GRID2: variants seen among roughly 807,000 people sequenced by gnomAD.
The protein encoded by GRID2 is glutamate ionotropic receptor delta type subunit 2.
GRID2 carries 33 observed loss-of-function variants against 114.8 expected under a neutral mutation model. The ratio of observed to expected loss-of-function variants is 0.29; its 90% confidence interval spans 0.22 to 0.38. GRID2 has a LOEUF of 0.38. Among genes scored for constraint, GRID2 ranks in the 10% least tolerant of loss-of-function variants. GRID2 has a pLI of 1.00. For synonymous variants in GRID2, 505 were observed against 449.9 expected (o/e 1.12, Z -1.55); for missense variants, 1,184 against 1,257.7 (o/e 0.94, Z 0.89).
At chr4:92,578,729 T>A (rs6855563) in intron 1 of GRID2, among the ~76,000 whole-genome samples, 3,416 of 147,532 alleles carry the variant, frequency 0.023, 64 homozygotes, top group African/African-American at 0.057. Context: ...TCTATCTATC[T>A]ATCAATCTAT....
rs570676025 is a variant in GRID2, at chr4:93,802,041, C to T, written c.222-4674C>T. On this transcript the variant is annotated intron_variant, in intron 1 of 1. Transcript: ENST00000637838. ...GAGACAGAGAATCCAGCATCCAGGC[C>T]TGGAGCTTTCTGTCTATTGTACAGT... 4.7e-4 allele frequency among the ~76,000 whole-genome samples: 72 copies of T among 152,304 alleles called. 1 individual carries two copies. Among genetic ancestry groups the T allele is most frequent in the African/African-American group, 1.5e-3 (62 of 41,574 alleles).
chr4:92,595,853 T>C (rs1018947695), intron 2 of GRID2, among the ~76,000 whole-genome samples: 3 of 152,120 alleles, frequency 2.0e-5, no homozygotes, highest in African/African-American at 4.8e-5. Flanking sequence ...ATATTTCTGG[T>C]CATTGATTAA....
intron 2 of GRID2, among the ~76,000 whole-genome samples, chr4:92,718,204 A>G (rs1735638070): frequency 6.6e-6 from 1 of 152,056 alleles, no homozygotes; most frequent in Non-Finnish European, 1.5e-5. Context: ...CCAAATCAGG[A>G]AAAAATTATA....
intron 7 of GRID2, among the ~76,000 whole-genome samples, chr4:93,237,500 T>A (rs1746935320): frequency 6.6e-6 from 1 of 151,840 alleles, no homozygotes; most frequent in Non-Finnish European, 1.5e-5. Context: ...ATCTTAGAGG[T>A]GATAATTAAA....
At chr4:93,646,203 T>C (rs1459547868) in intron 14 of GRID2, among the ~76,000 whole-genome samples, 5 of 152,174 alleles carry the variant, frequency 3.3e-5, no homozygotes, top group Non-Finnish European at 7.3e-5. Context: ...AATTTTATAT[T>C]GGAAAATTTG....
intron 7 of GRID2, among the ~76,000 whole-genome samples, chr4:93,228,062 G>A (rs1745704007): frequency 6.6e-6 from 1 of 152,066 alleles, no homozygotes. Flanking sequence ...CTACCTTTAT[G>A]CAGTTCCAAA....
intron 1 of GRID2, among the ~76,000 whole-genome samples, chr4:92,589,373 AC>A (rs1186362293): frequency 6.6e-6 from 1 of 152,228 alleles, no homozygotes; most frequent in African/African-American, 2.4e-5. Flanking sequence ...AAGGTCGTAT[AC>A]TTAACAAGTG....
intron 2 of GRID2, among the ~76,000 whole-genome samples, chr4:92,828,764 T>A (rs1261821549): frequency 1.3e-5 from 2 of 152,168 alleles, no homozygotes; most frequent in Admixed American, 6.6e-5. Context: ...TAGCTTTTTT[T>A]ATGCTCTGTT....
At chr4:92,548,997 G>C (rs1048295801) in intron 1 of GRID2, among the ~76,000 whole-genome samples, 7 of 151,802 alleles carry the variant, frequency 4.6e-5, no homozygotes, top group African/African-American at 1.7e-4. Flanking sequence ...TCTAACATTG[G>C]GGATTACAAT....
chr4:93,458,384 C>G (rs777279487), intron 11 of GRID2, among the ~76,000 whole-genome samples: 13 of 152,182 alleles, frequency 8.5e-5, no homozygotes, highest in Admixed American at 2.6e-4. Flanking sequence ...GTTCATTTCA[C>G]TCACATGTCT....
chr4:93,200,896 C>G (rs1208728782), intron 4 of GRID2, among the ~76,000 whole-genome samples: 2 of 152,142 alleles, frequency 1.3e-5, no homozygotes, highest in Non-Finnish European at 2.9e-5. Flanking sequence ...AATATCTTCT[C>G]CTAGAGATCA....
At position 93,769,588 on chromosome 4, in the gene GRID2, A is replaced by G. The variant is rs945428892; in HGVS notation, c.2601+138A>G. 3 of 733,708 alleles carry G rather than the reference A, an allele frequency of 4.1e-6. No individual in the cohort carries two copies. In the African/African-American group the frequency reaches 5.3e-5, roughly 13 times the overall value. 45.4% of individuals were successfully genotyped at this position (733,708 alleles called of 1,614,324 possible). On this transcript the variant is annotated intron_variant, in intron 15 of 15. Transcript: ENST00000282020. The stretch of plus-strand genomic sequence containing the variant: ...CTTGAAGATTAAAAATAAAGTTGTG[A>G]AATATAAAAATTGGTAAGATCAATA...
At chr4:92,409,985 G>GT in intron 1 of GRID2, among the ~76,000 whole-genome samples, 1 of 152,248 alleles carries the variant, frequency 6.6e-6, no homozygotes, top group South Asian at 2.1e-4. Flanking sequence ...TTCTCCCTTG[G>GT]AGTAGTCTCT....
intron 1 of GRID2, among the ~76,000 whole-genome samples, chr4:92,327,969 A>G (rs1170149475): frequency 2.0e-5 from 3 of 152,054 alleles, no homozygotes; most frequent in Non-Finnish European, 2.9e-5. Flanking sequence ...GGAAAGGAAA[A>G]AAAGGAAAAC....
At chr4:92,759,645 C>T (rs907860854) in intron 2 of GRID2, among the ~76,000 whole-genome samples, 2 of 151,962 alleles carry the variant, frequency 1.3e-5, no homozygotes, top group African/African-American at 4.8e-5. Flanking sequence ...GCTTTTGTTG[C>T]CCAGGCTGGA....
intron 2 of GRID2, among the ~76,000 whole-genome samples, chr4:92,732,092 C>T (rs1464038753): frequency 6.6e-6 from 1 of 151,898 alleles, no homozygotes; most frequent in Non-Finnish European, 1.5e-5. Flanking sequence ...ATCCACTTTA[C>T]AGTGACATAC....
intron 2 of GRID2, among the ~76,000 whole-genome samples, chr4:92,735,659 G>A (rs993697896): frequency 6.6e-6 from 1 of 152,108 alleles, no homozygotes; most frequent in Admixed American, 6.6e-5. Context: ...TGATGTAAGT[G>A]CTACTCAGAC....
intron 2 of GRID2, among the ~76,000 whole-genome samples, chr4:92,736,408 T>C (rs890044183): frequency 1.3e-5 from 2 of 152,158 alleles, no homozygotes; most frequent in Non-Finnish European, 2.9e-5. Flanking sequence ...TAAATTTTTA[T>C]CGTTTTAAGA....
At chr4:92,922,438 C>T (rs999231913) in intron 2 of GRID2, among the ~76,000 whole-genome samples, 2 of 152,134 alleles carry the variant, frequency 1.3e-5, no homozygotes, top group African/African-American at 2.4e-5. Context: ...CTGTGTCGCT[C>T]ATGCTGGGAG....
Sources: allele counts gnomAD v4.1 joint callset (sites outside exome capture counted in the v4.1 genomes callset), GRCh38; gene constraint gnomAD v4.1.1; transcripts MANE v1.5; gene names NCBI Gene and HGNC (gene_info 2026-07-23, HGNC 2026-07-21).